Variants in CBLN2 observed in about 807,000 individuals in gnomAD.
CBLN2 encodes the protein cerebellin-2.
A neutral mutation model predicts 15.0 loss-of-function variants in CBLN2; 7 were observed. That is an observed-to-expected ratio of 0.47 (90% confidence interval 0.27 to 0.88). CBLN2 has a LOEUF of 0.88. CBLN2 is among the 40% of genes least tolerant of loss of function. The pLI, the probability that CBLN2 is intolerant of heterozygous loss-of-function variation, is 0.14. For synonymous variants in CBLN2, 149 were observed against 135.2 expected (o/e 1.10, Z -0.71); for missense variants, 242 against 304.5 (o/e 0.79, Z 1.53).
chr18:72,537,981 G>A lies in CBLN2; in HGVS notation c.*195C>T, dbSNP rs1050856978. On this transcript the variant is annotated 3_prime_UTR_variant, in exon 5 of 5. Coordinates refer to ENST00000269503, the MANE Select transcript of CBLN2 (RefSeq NM_182511.4). Reference sequence around the variant, plus strand: ...TCATCTAAAACTAATTAGAGGCCAGGTTCCCGAGGAATTGTCAGTATTCCA... The same window carrying A: ...TCATCTAAAACTAATTAGAGGCCAGATTCCCGAGGAATTGTCAGTATTCCA... The A allele has an allele frequency of 8.2e-6, 5 of 606,480 alleles. No homozygotes were observed. The highest frequency in any genetic ancestry group is 7.4e-5 in the African/African-American group (4 of 53,936). 37.6% of individuals were successfully genotyped at this position (606,480 alleles called of 1,614,324 possible). A position where few individuals can be genotyped will look rare whatever the true frequency, so the allele number is the denominator to read the frequency against.
chr18:72,544,904 AT>A (rs201213669), upstream of CBLN2, among the ~76,000 whole-genome samples: 661 of 151,136 alleles, frequency 4.4e-3, 5 homozygotes, highest in African/African-American at 0.015. Flanking sequence ...CTATAGCCTG[AT>A]TTTTTTTTAA....
At chr18:72,561,507 G>T (rs912422495) in intron 1 of CBLN2, among the ~76,000 whole-genome samples, 2 of 151,850 alleles carry the variant, frequency 1.3e-5, no homozygotes, top group Non-Finnish European at 2.9e-5. Flanking sequence ...ATTGAATATA[G>T]CATTCCTCTG....
chr18:72,586,299 T>C (rs1313408459), intron 1 of CBLN2, among the ~76,000 whole-genome samples: 1 of 152,242 alleles, frequency 6.6e-6, no homozygotes, highest in Non-Finnish European at 1.5e-5. Context: ...TATATAACTG[T>C]GGCTGGCTTT....
At chr18:72,556,556 A>T (rs2144887838) in intron 1 of CBLN2, among the ~76,000 whole-genome samples, 1 of 152,322 alleles carries the variant, frequency 6.6e-6, no homozygotes, top group South Asian at 2.1e-4. Context: ...GTGTGGTTGG[A>T]GGAAGAGGTG....
intron 1 of CBLN2, among the ~76,000 whole-genome samples, chr18:72,559,744 A>C (rs1045392514): frequency 6.6e-5 from 10 of 152,232 alleles, no homozygotes; most frequent in African/African-American, 2.2e-4. Flanking sequence ...ACATGGACAC[A>C]GATGACATTA....
At chr18:72,549,928 G>C (rs2069181690) in intron 1 of CBLN2, among the ~76,000 whole-genome samples, 1 of 152,136 alleles carries the variant, frequency 6.6e-6, no homozygotes, top group South Asian at 2.1e-4. Context: ...AAACCCTCTG[G>C]CTCCTGGGTC....
intron 1 of CBLN2, among the ~76,000 whole-genome samples, chr18:72,550,288 G>A (rs1390185328): frequency 6.6e-6 from 1 of 152,140 alleles, no homozygotes; most frequent in Non-Finnish European, 1.5e-5. Context: ...TCTCCAATAA[G>A]CCTAAACATT....
At position 72,625,725 on chromosome 18, in the gene CBLN2, T is replaced by TAC. The variant is rs34613616; in HGVS notation, c.15+12598_15+12599dup. Among the ~76,000 whole-genome samples the TAC allele has an allele frequency of 6.5e-3, 508 of 78,678 alleles. 1 individual carries two copies. Among genetic ancestry groups the TAC allele is most frequent in the African/African-American group, 0.033 (422 of 12,936 alleles). 51.6% of individuals were successfully genotyped at this position (78,678 alleles called of 152,430 possible). On this transcript the variant is annotated intron_variant, in intron 1 of 2. Transcript: ENST00000581073. ...ATATATATATATATATATATATATA[T>TAC]ACACACTCTTGTCCGTTAGACCAAA...
At chr18:72,548,085 G>A (rs2069169876), upstream of CBLN2, among the ~76,000 whole-genome samples, 1 of 152,194 alleles carries the variant, frequency 6.6e-6, no homozygotes, top group African/African-American at 2.4e-5. Flanking sequence ...GAAGCTTAGA[G>A]ATCTGAGTGT....
intron 1 of CBLN2, among the ~76,000 whole-genome samples, chr18:72,614,328 A>G (rs1364189301): frequency 6.6e-6 from 1 of 152,222 alleles, no homozygotes; most frequent in East Asian, 1.9e-4. Context: ...TGTAGTCTCT[A>G]TTTATGTATA....
chr18:72,595,516 T>C (rs2069507847), intron 1 of CBLN2, among the ~76,000 whole-genome samples: 1 of 152,180 alleles, frequency 6.6e-6, no homozygotes, highest in African/African-American at 2.4e-5. Context: ...TGAAGGGCTC[T>C]GTAAATATCT....
At chr18:72,546,263 T>C (rs970284415), upstream of CBLN2, among the ~76,000 whole-genome samples, 6 of 151,990 alleles carry the variant, frequency 3.9e-5, no homozygotes, top group South Asian at 2.1e-4. Flanking sequence ...CGGTGAAACC[T>C]TGTCTCTACT....
At chr18:72,618,456 A>T (rs1441927788) in intron 1 of CBLN2, 4 of 657,828 alleles carry the variant, frequency 6.1e-6, no homozygotes, top group South Asian at 2.8e-5. Flanking sequence ...CACATGCACC[A>T]CTGTGGAGGA....
At chr18:72,572,864 ACAAAAAT>A (rs1033107271) in intron 1 of CBLN2, among the ~76,000 whole-genome samples, 10 of 151,952 alleles carry the variant, frequency 6.6e-5, no homozygotes, top group African/African-American at 2.4e-4. Flanking sequence ...TATATAAAAA[ACAAAAAT>A]AAAATAATTT....
At chr18:72,559,758 T>G (rs1420475618) in intron 1 of CBLN2, among the ~76,000 whole-genome samples, 1 of 152,212 alleles carries the variant, frequency 6.6e-6, no homozygotes, top group African/African-American at 2.4e-5. Flanking sequence ...GACATTATTG[T>G]GTTTAGACTT....
At chr18:72,597,840 A>G (rs1220595594) in intron 1 of CBLN2, among the ~76,000 whole-genome samples, 1 of 152,206 alleles carries the variant, frequency 6.6e-6, no homozygotes, top group Admixed American at 6.5e-5. Flanking sequence ...GCCCACAGCA[A>G]GTACTGCCTG....
intron 1 of CBLN2, among the ~76,000 whole-genome samples, chr18:72,600,676 G>A (rs1053770462): frequency 2.0e-5 from 3 of 152,108 alleles, no homozygotes; most frequent in Non-Finnish European, 4.4e-5. Flanking sequence ...CAACACTGCA[G>A]TAAAGAAAGA....
chr18:72,570,542 C>T (rs563453056), intron 1 of CBLN2, among the ~76,000 whole-genome samples: 2 of 152,190 alleles, frequency 1.3e-5, no homozygotes, highest in Non-Finnish European at 2.9e-5. Flanking sequence ...GCCACTGTGC[C>T]CAGCCAGCCA....
rs541320821 is a variant in CBLN2 at position 72,618,022 on chromosome 18, C to A, written c.15+20303G>T. On this transcript the variant is annotated intron_variant, in intron 1 of 2. Coordinates refer to the CBLN2 transcript ENST00000581073. Reference sequence around the variant, plus strand: ...GGGAATTTTGGCTGTTATGGTTAAACCGGTTAAGGTTTGATAGGTTTATTT... The same window carrying A: ...GGGAATTTTGGCTGTTATGGTTAAAACGGTTAAGGTTTGATAGGTTTATTT... Among the ~76,000 whole-genome samples, 5 of 152,130 alleles carry A rather than the reference C, an allele frequency of 3.3e-5. No individual in the cohort carries two copies. In the East Asian group the frequency reaches 7.7e-4, roughly 24 times the overall value.
Sources: allele counts gnomAD v4.1 joint callset (sites outside exome capture counted in the v4.1 genomes callset), GRCh38; gene constraint gnomAD v4.1.1; transcripts MANE v1.5; gene names NCBI Gene and HGNC (gene_info 2026-07-23, HGNC 2026-07-21).